Variants in MLXIP observed in about 807,000 individuals in gnomAD.
MLXIP encodes MLX-interacting protein.
In MLXIP, 30 loss-of-function variants were observed where a neutral mutation model predicts 87.2. The observed-to-expected ratio is 0.34, with a 90% CI of 0.26 to 0.47. The LOEUF is 0.47. MLXIP is among the 20% of genes least tolerant of loss of function. The pLI, the probability that MLXIP is intolerant of heterozygous loss-of-function variation, is 1.00. For synonymous variants in MLXIP, 530 were observed against 514.0 expected (o/e 1.03, Z -0.42); for missense variants, 1,002 against 1,240.1 (o/e 0.81, Z 2.88).
Position 122,133,563 on chromosome 12 carries a change from G to C in MLXIP, c.1308G>C (p.Leu436=), listed in dbSNP as rs1953021389. ...TCCTCCCTGTCTTCACCATGCCCCTGCTGTCTCCCAGCCCCGCCCCACCGC... is the reference window on the plus strand; with the variant it reads ...TCCTCCCTGTCTTCACCATGCCCCTCCTGTCTCCCAGCCCCGCCCCACCGC... ...QPFLPVFTMP[L]LSPSPAPPPI... is the part of the protein sequence containing the mutation. The change falls in exon 9 of 17, where the codon CTG becomes CTC. Residue 436 remains leucine (L), a synonymous_variant. Coordinates refer to ENST00000319080, the MANE Select transcript of MLXIP (RefSeq NM_014938.6). This position sits in a 1 kb window ranked among gnomAD's most constrained non-coding sequence, Gnocchi z 4.9. The C allele has an allele frequency of 6.2e-7, 1 of 1,605,664 alleles. No individual in the cohort carries two copies. The highest frequency in any genetic ancestry group is 2.3e-5 in the East Asian group (1 of 44,338).
chr12:122,123,775 C>T (rs1224060731), intron 1 of MLXIP, among the ~76,000 whole-genome samples: 2 of 152,294 alleles, frequency 1.3e-5, no homozygotes, highest in Admixed American at 1.3e-4. Context: ...TCATGGCTCA[C>T]TGCAACCTCA....
At chr12:122,082,995 T>TTTTTTGTAGATATTA (rs1285106302) in intron 1 of MLXIP, among the ~76,000 whole-genome samples, 2 of 152,182 alleles carry the variant, frequency 1.3e-5, no homozygotes, top group African/African-American at 4.8e-5. Context: ...TAATTTTTTA[T>TTTTTTGTAGATATTA]TTTTTGTAGA....
intron 1 of MLXIP, among the ~76,000 whole-genome samples, chr12:122,079,509 C>T (rs1159296071): frequency 1.3e-5 from 2 of 152,140 alleles, no homozygotes; most frequent in Non-Finnish European, 2.9e-5. Flanking sequence ...AGGCCCTCCC[C>T]TCCAGTGTCC....
At chr12:122,101,123 A>AT (rs1285951072) in intron 1 of MLXIP, among the ~76,000 whole-genome samples, 1 of 152,232 alleles carries the variant, frequency 6.6e-6, no homozygotes, top group East Asian at 1.9e-4. Context: ...ACTGAATTTT[A>AT]CTTTTTGCCA....
At chr12:122,120,976 T>TATAACG (rs1254612135) in intron 1 of MLXIP, among the ~76,000 whole-genome samples, 1 of 149,214 alleles carries the variant, frequency 6.7e-6, no homozygotes, top group Non-Finnish European at 1.5e-5. Context: ...TTCTGAGACC[T>TATAACG]ATAACGATAG....
At chr12:122,079,359 C>T (rs1952058935) in intron 1 of MLXIP, 93 bp downstream of exon 1, 2 of 1,111,728 alleles carry the variant, frequency 1.8e-6, no homozygotes, top group Admixed American at 4.5e-5. Context: ...AACCCCGTGG[C>T]TTCATGCATT....
intron 1 of MLXIP, among the ~76,000 whole-genome samples, chr12:122,122,424 C>T (rs1952797847): frequency 6.6e-6 from 1 of 152,160 alleles, no homozygotes; most frequent in Admixed American, 6.5e-5. Context: ...GGTGCAGTGG[C>T]ACCATGATAG....
chr12:122,108,014 C>T (rs1043585013), intron 1 of MLXIP, among the ~76,000 whole-genome samples: 4 of 152,056 alleles, frequency 2.6e-5, no homozygotes, highest in Non-Finnish European at 4.4e-5. Context: ...CCATGTGTCC[C>T]CTGCGAAGGG....
At chr12:122,104,435 T>G (rs1952488281) in intron 1 of MLXIP, among the ~76,000 whole-genome samples, 1 of 152,226 alleles carries the variant, frequency 6.6e-6, no homozygotes, top group Admixed American at 6.5e-5. Context: ...TTTTTAAGAC[T>G]TATCCATGTT....
intron 1 of MLXIP, among the ~76,000 whole-genome samples, chr12:122,114,808 C>T (rs1313900489): frequency 2.7e-5 from 4 of 147,544 alleles, no homozygotes; most frequent in South Asian, 2.1e-4. Flanking sequence ...TGCGGTGGCA[C>T]GATCTCGGCT....
intron 1 of MLXIP, among the ~76,000 whole-genome samples, chr12:122,092,106 TC>T (rs1285620693): frequency 6.6e-6 from 1 of 151,910 alleles, no homozygotes; most frequent in Admixed American, 6.6e-5. Context: ...TTTTTTCTTT[TC>T]TTTTCTTTGA....
chr12:122,111,071 T>C (rs56072019), intron 1 of MLXIP, among the ~76,000 whole-genome samples: 72,346 of 140,060 alleles, frequency 0.52, 18,797 homozygotes, highest in Middle Eastern at 0.64. Context: ...AGCAAGACTC[T>C]GTCTCAAAAA....
At chr12:122,080,533 A>G (rs1952076139) in intron 1 of MLXIP, among the ~76,000 whole-genome samples, 1 of 152,148 alleles carries the variant, frequency 6.6e-6, no homozygotes, top group Non-Finnish European at 1.5e-5. Flanking sequence ...GGAATAAACG[A>G]TTAGTCAACT....
In MLXIP at chr12:122,147,314, G is replaced by A. The variant is rs1953320932; in HGVS notation, c.*5502G>A. On this transcript the variant is annotated 3_prime_UTR_variant, in exon 17 of 17. Coordinates refer to ENST00000319080, the MANE Select transcript of MLXIP (RefSeq NM_014938.6). ...TTTTTTAAACTATATTTGCATCCAAGACAATAAAGACACCTTATTTTTTTT... is the reference window on the plus strand; with the variant it reads ...TTTTTTAAACTATATTTGCATCCAAAACAATAAAGACACCTTATTTTTTTT... 1 of 152,154 alleles carries A rather than the reference G, an allele frequency of 6.6e-6. No homozygotes were observed. Among genetic ancestry groups the A allele is most frequent in the Admixed American group, 6.5e-5 (1 of 15,270 alleles). The allele number at this position is 152,154 out of a possible 1,614,324, so 9.4% of individuals were successfully genotyped here.
rs765470336 is a variant in MLXIP, at chr12:122,135,463, G to C, written c.1855-26G>C. 1 of 1,609,518 alleles carries C rather than the reference G, an allele frequency of 6.2e-7. No individual in the cohort carries two copies. The highest frequency in any genetic ancestry group is 8.5e-7 in the Non-Finnish European group (1 of 1,178,220). ...CCCTGCTGTATATCAGCAGTCAGGGGTGACCTGTCTCCCATGTCACTGCAG... is the reference window on the plus strand; with the variant it reads ...CCCTGCTGTATATCAGCAGTCAGGGCTGACCTGTCTCCCATGTCACTGCAG... On this transcript the variant is annotated intron_variant, in intron 10 of 16. Transcript: ENST00000319080. This position sits in a 1 kb window ranked among gnomAD's most constrained non-coding sequence, Gnocchi z 5.3.
At chr12:122,116,027 G>C (rs1952685110) in intron 1 of MLXIP, among the ~76,000 whole-genome samples, 1 of 148,552 alleles carries the variant, frequency 6.7e-6, no homozygotes, top group African/African-American at 2.6e-5. Context: ...ATCCAGCCTG[G>C]GTGACAGAGC....
At chr12:122,112,907 G>C (rs181837394) in intron 1 of MLXIP, among the ~76,000 whole-genome samples, 1 of 152,300 alleles carries the variant, frequency 6.6e-6, no homozygotes, top group Admixed American at 6.5e-5. Flanking sequence ...AAGGAAATAG[G>C]TAAGTGTTTT....
chr12:122,121,085 C>T (rs749773946), intron 1 of MLXIP, among the ~76,000 whole-genome samples: 2 of 133,576 alleles, frequency 1.5e-5, no homozygotes, highest in Non-Finnish European at 3.1e-5. Flanking sequence ...TCTTGGCTCA[C>T]TGCAACCTCC....
Position 122,127,918 on chromosome 12 carries a change from GT to G in MLXIP, c.557del (p.Val186GlyfsTer10), listed in dbSNP as rs1486049735. Reference sequence around the variant, plus strand: ...GCGCAAGAATCCTGTGTGCCACTTTGTGACACCCCTGGACGGCTCTGTGGAC... The same window carrying G: ...GCGCAAGAATCCTGTGTGCCACTTTGGACACCCCTGGACGGCTCTGTGGAC... ...EKRKNPVCHF[V>X]TPLDGSVDVD... On this transcript the variant is annotated frameshift_variant, in exon 3 of 17. Coordinates refer to ENST00000319080, the MANE Select transcript of MLXIP (RefSeq NM_014938.6). LOFTEE classifies it high-confidence loss of function. 1.2e-6 allele frequency: 2 copies of G among 1,613,770 alleles called. No individual in the cohort carries two copies. The highest frequency in any genetic ancestry group is 1.7e-6 in the Non-Finnish European group (2 of 1,179,838).
Sources: gnomAD v4.1 joint callset for allele counts (sites outside exome capture counted in the v4.1 genomes callset) on GRCh38, gnomAD v4.1.1 for gene constraint, Gnocchi (gnomAD v3.1) non-coding constraint, MANE v1.5 for transcripts, NCBI Gene and HGNC (gene_info 2026-07-23, HGNC 2026-07-21) for gene names.